Variants in SHANK2 observed in about 807,000 individuals in gnomAD.
SHANK2 encodes the protein SH3 and multiple ankyrin repeat domains protein 2.
In SHANK2, 43 loss-of-function variants were observed where a neutral mutation model predicts 133.7. That is an observed-to-expected ratio of 0.32 (90% CI 0.25 to 0.41). The LOEUF (loss-of-function observed/expected upper bound fraction) is 0.41, where lower values mean the gene tolerates loss of function less well. Among genes scored for constraint, SHANK2 ranks in the 10% least tolerant of loss-of-function variants. The pLI, the probability that SHANK2 is intolerant of heterozygous loss-of-function variation, is 1.00. For missense variants in SHANK2, 1,994 were observed against 2,235.8 expected, an observed-to-expected ratio of 0.89 and a Z score of 2.18; for synonymous variants, 1,017 against 952.8, an observed-to-expected ratio of 1.07 and a Z score of -1.24.
intron 11 of SHANK2, among the ~76,000 whole-genome samples, chr11:70,827,785 T>C (rs1407921361): frequency 6.6e-6 from 1 of 151,334 alleles, no homozygotes; most frequent in Non-Finnish European, 1.5e-5. Flanking sequence ...TAAAGTTTAA[T>C]TCCATATGGT....
intron 14 of SHANK2, among the ~76,000 whole-genome samples, chr11:70,749,585 A>T (rs1946714387): frequency 6.6e-6 from 1 of 152,254 alleles, no homozygotes. Flanking sequence ...GATGATGCAG[A>T]TGCTGGACCT....
chr11:71,251,598 A>G (rs1259116517), intron 1 of SHANK2, among the ~76,000 whole-genome samples: 1 of 151,384 alleles, frequency 6.6e-6, no homozygotes, highest in Non-Finnish European at 1.5e-5. Context: ...GTTGCCAGGG[A>G]AACTTGATCA....
intron 17 of SHANK2, among the ~76,000 whole-genome samples, chr11:70,615,743 G>A (rs567247179): frequency 5.3e-5 from 8 of 152,336 alleles, no homozygotes; most frequent in African/African-American, 1.7e-4. Context: ...CCACACCTTG[G>A]GGCAGAGCTG....
rs1307209559 is a variant in SHANK2, at chr11:70,561,725, G to GC, written c.2062-58795_2062-58794insG. 2.0e-5 allele frequency among the ~76,000 whole-genome samples: 3 copies of GC among 147,458 alleles called. No individual in the cohort carries two copies. In the East Asian group the frequency reaches 6.2e-4, roughly 30 times the overall value. On this transcript the variant is annotated intron_variant, in intron 17 of 25. Coordinates refer to ENST00000601538, the MANE Select transcript of SHANK2 (RefSeq NM_012309.5). ...TAACTTTTTGTAGAGATGGCAGGGG[G>GC]GGTCTCACTATGTTGCCCAGGCTGG...
intron 9 of SHANK2, 67 bp downstream of exon 9, chr11:71,075,092 T>G (rs1951201733): frequency 1.2e-5 from 2 of 163,450 alleles, no homozygotes; most frequent in African/African-American, 4.8e-5. Flanking sequence ...TAAGCCAATT[T>G]AAGGCACTTT....
chr11:71,220,729 ATGGAGACAGAAAG>A (rs1954518668), intron 2 of SHANK2, among the ~76,000 whole-genome samples: 1 of 151,904 alleles, frequency 6.6e-6, no homozygotes, highest in Non-Finnish European at 1.5e-5. Context: ...GGGGAAATCC[ATGGAGACAGAAAG>A]TTGAATAGGG....
chr11:70,504,798 C>T (rs1483520741), intron 17 of SHANK2, among the ~76,000 whole-genome samples: 1 of 152,090 alleles, frequency 6.6e-6, no homozygotes, highest in Non-Finnish European at 1.5e-5. Context: ...ACCGGGAGTT[C>T]TCGGAGGGCA....
chr11:70,563,198 A>G (rs1554981213), intron 17 of SHANK2, among the ~76,000 whole-genome samples: 1 of 151,956 alleles, frequency 6.6e-6, no homozygotes, highest in Non-Finnish European at 1.5e-5. Context: ...ATTCCATTTT[A>G]TTTCCTCTGT....
At chr11:70,714,023 T>C (rs1945856303) in intron 14 of SHANK2, among the ~76,000 whole-genome samples, 1 of 152,152 alleles carries the variant, frequency 6.6e-6, no homozygotes, top group Non-Finnish European at 1.5e-5. Flanking sequence ...CTCCTCCCTC[T>C]ACCCCAGGGG....
At chr11:70,719,620 T>G (rs1302428392) in intron 14 of SHANK2, among the ~76,000 whole-genome samples, 1 of 151,484 alleles carries the variant, frequency 6.6e-6, no homozygotes, top group African/African-American at 2.4e-5. Context: ...AATCGGAGGG[T>G]CATAAAAATA....
intron 17 of SHANK2, among the ~76,000 whole-genome samples, chr11:70,645,418 CA>C (rs2061246792): frequency 6.6e-6 from 1 of 151,844 alleles, no homozygotes; most frequent in Non-Finnish European, 1.5e-5. Flanking sequence ...ACAACAACAA[CA>C]AAAACAAAAA....
intron 6 of SHANK2, among the ~76,000 whole-genome samples, 200 bp downstream of exon 6, chr11:71,109,741 T>C (rs7112221): frequency 0.58 from 88,978 of 152,252 alleles, 26,144 homozygotes; most frequent in South Asian, 0.68. Flanking sequence ...CCACGCAAGA[T>C]GCTGGGGATG....
At chr11:70,575,011 C>A (rs2060097989) in intron 17 of SHANK2, among the ~76,000 whole-genome samples, 1 of 152,164 alleles carries the variant, frequency 6.6e-6, no homozygotes, top group Non-Finnish European at 1.5e-5. Context: ...CACACTCACA[C>A]ACAGGAAGCC....
chr11:71,235,597 G>GAAA (rs11412828), intron 1 of SHANK2, among the ~76,000 whole-genome samples: 1 of 142,550 alleles, frequency 7.0e-6, no homozygotes, highest in Non-Finnish European at 1.5e-5. Context: ...CTCTCTCGGG[G>GAAA]AAAAAAAAAA....
chr11:70,487,044 G>A lies in SHANK2; in HGVS notation c.3249C>T (p.Ala1083=), dbSNP rs1555154094. The A allele has an allele frequency of 1.7e-5, 28 of 1,608,682 alleles. No individual in the cohort carries two copies. Among genetic ancestry groups the A allele is most frequent in the Middle Eastern group, 1.7e-4 (1 of 6,054 alleles). ...TVSSPFAAAI[A]GAVRDREKRL... ...GCTTCTCACGGTCGCGGACGGCTCC[G>A]GCGATGGCGGCGGCAAAGGGGCTGC... Residue 1083 remains alanine (A), a synonymous_variant, in exon 25 of 26, where the codon GCC becomes GCT. Transcript: ENST00000601538. This position sits in a 1 kb window ranked among gnomAD's most constrained non-coding sequence, Gnocchi z 5.8.
At chr11:70,820,038 C>G (rs1256635230) in intron 12 of SHANK2, among the ~76,000 whole-genome samples, 3 of 152,158 alleles carry the variant, frequency 2.0e-5, no homozygotes, top group Non-Finnish European at 4.4e-5. Flanking sequence ...CACTTAGGAC[C>G]AAGAAGTCAG....
At chr11:70,857,138 C>T (rs1460825260) in intron 11 of SHANK2, among the ~76,000 whole-genome samples, 1 of 152,214 alleles carries the variant, frequency 6.6e-6, no homozygotes, top group Non-Finnish European at 1.5e-5. Flanking sequence ...TAGCTGGTTT[C>T]CATGCTTTGC....
At chr11:71,193,095 CAG>C (rs782194998) in intron 2 of SHANK2, among the ~76,000 whole-genome samples, 1 of 152,170 alleles carries the variant, frequency 6.6e-6, no homozygotes, top group Non-Finnish European at 1.5e-5. Context: ...GTTAGATACA[CAG>C]AGACAAATGG....
At chr11:70,700,125 C>T (rs1945486275) in intron 14 of SHANK2, among the ~76,000 whole-genome samples, 1 of 152,178 alleles carries the variant, frequency 6.6e-6, no homozygotes, top group Non-Finnish European at 1.5e-5. Flanking sequence ...AAGTCTTTCA[C>T]ATGGAAGCTC....
Sources: allele counts gnomAD v4.1 joint callset (sites outside exome capture counted in the v4.1 genomes callset), GRCh38; gene constraint gnomAD v4.1.1; non-coding constraint Gnocchi (gnomAD v3.1); transcripts MANE v1.5; gene names NCBI Gene and HGNC (gene_info 2026-07-23, HGNC 2026-07-21).